Variants in EHBP1 observed in about 807,000 individuals in gnomAD.
The protein encoded by EHBP1 is EH domain-binding protein 1.
A neutral mutation model predicts 144.0 loss-of-function variants in EHBP1; 55 were observed. The ratio of observed to expected loss-of-function variants is 0.38; its 90% confidence interval spans 0.31 to 0.48. The LOEUF (loss-of-function observed/expected upper bound fraction) is 0.48. Among genes scored for constraint, EHBP1 ranks in the 20% least tolerant of loss-of-function variants. The pLI is 0.98. For missense variants in EHBP1, 1,200 were observed against 1,364.2 expected (o/e 0.88, Z 1.90); for synonymous variants, 469 against 472.7 (o/e 0.99, Z 0.10).
intron 2 of EHBP1, 104 bp downstream of exon 2, chr2:62,707,399 A>G: frequency 2.5e-6 from 2 of 792,386 alleles, no homozygotes; most frequent in Non-Finnish European, 4.3e-6. Flanking sequence ...ATAGTGCACT[A>G]GTGTGTAGAA....
intron 5 of EHBP1, among the ~76,000 whole-genome samples, chr2:62,813,296 T>C (rs550636087): frequency 6.6e-6 from 1 of 152,344 alleles, no homozygotes; most frequent in African/African-American, 2.4e-5. Flanking sequence ...ATGTTAAGTC[T>C]GCAGGCCTGT....
At chr2:62,916,830 A>C (rs2054654815) in intron 10 of EHBP1, among the ~76,000 whole-genome samples, 1 of 150,022 alleles carries the variant, frequency 6.7e-6, no homozygotes, top group Admixed American at 6.7e-5. Flanking sequence ...AAATTTTATT[A>C]AAATATAAAT....
chr2:62,905,367 C>T (rs1489612174), intron 10 of EHBP1, among the ~76,000 whole-genome samples: 1 of 152,166 alleles, frequency 6.6e-6, no homozygotes, highest in African/African-American at 2.4e-5. Flanking sequence ...GCAAGTGTGG[C>T]TGCAGCAGCA....
chr2:62,921,021 G>T (rs1450419108), intron 10 of EHBP1, among the ~76,000 whole-genome samples: 2 of 152,174 alleles, frequency 1.3e-5, no homozygotes, highest in Non-Finnish European at 2.9e-5. Flanking sequence ...GATAAACAGT[G>T]TGTAAAGATG....
chr2:62,754,793 C>A (rs182683135), intron 3 of EHBP1, among the ~76,000 whole-genome samples: 1 of 152,188 alleles, frequency 6.6e-6, no homozygotes, highest in Admixed American at 6.5e-5. Context: ...GAGCCAGGAG[C>A]GGGATATAAT....
At chr2:62,870,958 A>G (rs1443260590) in intron 9 of EHBP1, among the ~76,000 whole-genome samples, 19 of 152,074 alleles carry the variant, frequency 1.2e-4, no homozygotes, top group Non-Finnish European at 1.5e-5. Context: ...CATAATAATC[A>G]TCTGATTCTA....
At chr2:62,767,297 G>C (rs2041266180) in intron 4 of EHBP1, among the ~76,000 whole-genome samples, 1 of 152,110 alleles carries the variant, frequency 6.6e-6, no homozygotes, top group African/African-American at 2.4e-5. Flanking sequence ...CTCTGATCAG[G>C]TAGAGTTAGT....
intron 2 of EHBP1, among the ~76,000 whole-genome samples, chr2:62,729,358 AAT>A (rs2037176359): frequency 7.9e-6 from 1 of 126,778 alleles, no homozygotes; most frequent in South Asian, 2.2e-4. Flanking sequence ...TATAATAATA[AAT>A]ATAATATAAT....
At chr2:62,765,265 A>G (rs1196012344) in intron 4 of EHBP1, among the ~76,000 whole-genome samples, 1 of 152,146 alleles carries the variant, frequency 6.6e-6, no homozygotes, top group Admixed American at 6.6e-5. Flanking sequence ...ACTTGGCCCT[A>G]TAAGATGTGC....
At chr2:63,032,089 A>C (rs2061273339) in intron 19 of EHBP1, among the ~76,000 whole-genome samples, 1 of 151,972 alleles carries the variant, frequency 6.6e-6, no homozygotes, top group Non-Finnish European at 1.5e-5. Context: ...GCTGACCTTC[A>C]GTATAAAAAA....
intron 5 of EHBP1, among the ~76,000 whole-genome samples, chr2:62,799,380 A>G (rs1021414518): frequency 7.2e-5 from 11 of 152,210 alleles, no homozygotes; most frequent in African/African-American, 2.4e-4. Context: ...TTATACTGTA[A>G]CTATATATGA....
intron 10 of EHBP1, among the ~76,000 whole-genome samples, chr2:62,937,311 C>G (rs778243445): frequency 6.6e-6 from 1 of 152,166 alleles, no homozygotes; most frequent in Non-Finnish European, 1.5e-5. Context: ...CCTCTGCTTC[C>G]TGAGTAACCT....
At chr2:62,826,946 G>A (rs952735653) in intron 6 of EHBP1, among the ~76,000 whole-genome samples, 3 of 152,210 alleles carry the variant, frequency 2.0e-5, no homozygotes, top group Admixed American at 6.5e-5. Flanking sequence ...GAATGTTACG[G>A]GTGTTGTGAA....
chr2:62,762,921 A>G (rs1262817849), intron 3 of EHBP1, among the ~76,000 whole-genome samples: 2 of 152,116 alleles, frequency 1.3e-5, no homozygotes, highest in Non-Finnish European at 2.9e-5. Flanking sequence ...TATCTTTGCA[A>G]TGACCTACCA....
intron 21 of EHBP1, chr2:63,044,671 G>A (rs1239304918): frequency 6.3e-6 from 1 of 158,524 alleles, no homozygotes; most frequent in Non-Finnish European, 1.4e-5. Context: ...TTTTCAGAAT[G>A]ATTTTATCGC....
intron 2 of EHBP1, among the ~76,000 whole-genome samples, chr2:62,722,501 T>C (rs958777618): frequency 1.3e-5 from 2 of 152,164 alleles, no homozygotes; most frequent in African/African-American, 2.4e-5. Context: ...TTGTATGTAA[T>C]GTTATTACTT....
At chr2:62,698,709 C>A (rs927315346) in intron 1 of EHBP1, among the ~76,000 whole-genome samples, 2 of 152,206 alleles carry the variant, frequency 1.3e-5, no homozygotes, top group Admixed American at 1.3e-4. Flanking sequence ...TAAGCCCAGT[C>A]ACTAATTGGG....
intron 2 of EHBP1, among the ~76,000 whole-genome samples, chr2:62,708,627 A>G (rs1412078895): frequency 2.0e-5 from 3 of 152,216 alleles, no homozygotes; most frequent in African/African-American, 7.2e-5. Flanking sequence ...TGTCAGGGAC[A>G]TAGTGCCTAA....
intron 5 of EHBP1, among the ~76,000 whole-genome samples, chr2:62,821,156 G>A (rs2045954710): frequency 1.3e-5 from 2 of 151,966 alleles, no homozygotes; most frequent in Non-Finnish European, 2.9e-5. Flanking sequence ...ATCTAAGTAA[G>A]TTTCTGCACC....
Sources: gnomAD v4.1 joint callset for allele counts (sites outside exome capture counted in the v4.1 genomes callset) on GRCh38, gnomAD v4.1.1 for gene constraint, MANE v1.5 for transcripts, NCBI Gene and HGNC (gene_info 2026-07-23, HGNC 2026-07-21) for gene names.